TCN2: variants seen among roughly 807,000 people sequenced by gnomAD.
TCN2 encodes transcobalamin-2.
Under a neutral mutation model 48.6 loss-of-function variants are expected in TCN2, and 34 were observed. That is an observed-to-expected ratio of 0.70 (90% CI 0.53 to 0.93). The LOEUF (loss-of-function observed/expected upper bound fraction) is 0.93. TCN2 is among the 40% of genes least tolerant of loss of function. TCN2 has a pLI of 0.00. For synonymous variants in TCN2, 283 were observed against 212.5 expected, an observed-to-expected ratio of 1.33 and a Z score of -2.89; for missense variants, 652 against 526.1, an observed-to-expected ratio of 1.24 and a Z score of -2.34.
Position 30,627,150 on chromosome 22 carries a change from C to T in TCN2, c.*629C>T, listed in dbSNP as rs2085689992. Reference sequence around the variant, plus strand: ...CCCCATCAGGGAGGAGTGGAGGGTGCCTGAGCCGCCATGTGGGCATTGGGG... The same window carrying T: ...CCCCATCAGGGAGGAGTGGAGGGTGTCTGAGCCGCCATGTGGGCATTGGGG... On this transcript the variant is annotated 3_prime_UTR_variant, in exon 9 of 9. Coordinates refer to ENST00000215838, the MANE Select transcript of TCN2 (RefSeq NM_000355.4). 6.0e-6 allele frequency: 1 copy of T among 166,334 alleles called. No individual in the cohort carries two copies. The highest frequency in any genetic ancestry group is 1.3e-5 in the Non-Finnish European group (1 of 75,414). 10.3% of individuals were successfully genotyped at this position (166,334 alleles called of 1,614,324 possible). A position where few individuals can be genotyped will look rare whatever the true frequency, so the allele number is the denominator to read the frequency against.
At position 30,615,797 on chromosome 22, in the gene TCN2, C is replaced by T. The variant is rs1569041802; in HGVS notation, c.940+10C>T. 1.9e-6 allele frequency: 3 copies of T among 1,614,062 alleles called. No homozygotes were observed. The highest frequency in any genetic ancestry group is 1.1e-5 in the South Asian group (1 of 91,076). ...TGTCTGGCACCACGAGGTAGCCCAACTTTTTGTGGAAGCACAGCCCTTTAC... is the reference window on the plus strand; with the variant it reads ...TGTCTGGCACCACGAGGTAGCCCAATTTTTTGTGGAAGCACAGCCCTTTAC... On this transcript the variant is annotated intron_variant, in intron 6 of 8. Coordinates refer to ENST00000215838, the MANE Select transcript of TCN2 (RefSeq NM_000355.4).
At position 30,615,660 on chromosome 22, in the gene TCN2, G is replaced by T. The variant is rs1399886265; in HGVS notation, c.813G>T (p.Arg271Ser). 6.2e-7 allele frequency: 1 copy of T among 1,614,194 alleles called. No homozygotes were observed. The highest frequency in any genetic ancestry group is 8.5e-7 in the Non-Finnish European group (1 of 1,180,036). ...TGGGAACAGCATGTCTCAAGGCGAG[G>T]GTTGCTTTGCTGGCCAGTCTGCAGG... ...AELGTACLKA[R>S]VALLASLQDG... Residue 271 changes from arginine (R) to serine (S), a missense_variant, in exon 6 of 9, where the codon AGG becomes AGT. Physicochemically the swap from Arg to Ser is moderately radical, Grantham distance 110. Coordinates refer to ENST00000215838, the MANE Select transcript of TCN2 (RefSeq NM_000355.4).
intron 7 of TCN2, among the ~76,000 whole-genome samples, chr22:30,620,577 C>T (rs1401371411): frequency 6.6e-6 from 1 of 152,228 alleles, no homozygotes; most frequent in Non-Finnish European, 1.5e-5. Flanking sequence ...TCACTGATGG[C>T]CACGCATAGG....
intron 2 of TCN2, 86 bp from the exon 3 acceptor site, chr22:30,612,787 G>T (rs1406544236): frequency 1.3e-6 from 2 of 1,560,118 alleles, no homozygotes; most frequent in Middle Eastern, 2.3e-4. Flanking sequence ...ATTTTTTCCC[G>T]CTTTGTGATG....
At chr22:30,625,020 T>G (rs1216383859) in intron 8 of TCN2, among the ~76,000 whole-genome samples, 1 of 152,142 alleles carries the variant, frequency 6.6e-6, no homozygotes, top group African/African-American at 2.4e-5. Flanking sequence ...AGTTCAAGAC[T>G]AGCCTGACCA....
intron 8 of TCN2, 78 bp downstream of exon 8, chr22:30,623,161 A>G (rs28533163): frequency 1.4e-6 from 2 of 1,397,728 alleles, no homozygotes; most frequent in Non-Finnish European, 2.0e-6. Context: ...AACTCACCCC[A>G]GCTTTCCCTA....
chr22:30,618,905 G>A (rs1188258826), intron 7 of TCN2, among the ~76,000 whole-genome samples: 1 of 152,084 alleles, frequency 6.6e-6, no homozygotes, highest in Non-Finnish European at 1.5e-5. Flanking sequence ...GAGTAGCTGG[G>A]ACTATGGGCA....
In TCN2 at chr22:30,615,923, C is replaced by T. The variant is rs1000712733; in HGVS notation, c.940+136C>T. ...GTGGGTGTGCATGGGACACAGCAGC[C>T]AAAATGTGGTCATAGCTTCTAGAAG... On this transcript the variant is annotated intron_variant, in intron 6 of 8. Transcript: ENST00000215838. 4 of 1,005,768 alleles carry T rather than the reference C, an allele frequency of 4.0e-6. No individual in the cohort carries two copies. In the Admixed American group the frequency reaches 7.4e-5, roughly 19 times the overall value. The allele number at this position is 1,005,768 out of a possible 1,614,324, so 62.3% of individuals were successfully genotyped here. A position where few individuals can be genotyped will look rare whatever the true frequency, so the allele number is the denominator to read the frequency against.
chr22:30,619,357 G>A (rs2145551648), intron 7 of TCN2, among the ~76,000 whole-genome samples: 1 of 152,372 alleles, frequency 6.6e-6, no homozygotes, highest in Middle Eastern at 3.4e-3. Context: ...TGAGATAACA[G>A]GCGTGAGCCG....
chr22:30,608,018 G>T (rs1246328678), intron 1 of TCN2, among the ~76,000 whole-genome samples: 1 of 152,188 alleles, frequency 6.6e-6, no homozygotes, highest in Non-Finnish European at 1.5e-5. Context: ...AGCCTTCGGA[G>T]GTCCTGCCTG....
intron 7 of TCN2, among the ~76,000 whole-genome samples, chr22:30,618,278 TTTTTTGAG>T (rs1234092812): frequency 6.6e-6 from 1 of 152,022 alleles, no homozygotes; most frequent in Non-Finnish European, 1.5e-5. Flanking sequence ...TTTTGTTTTT[TTTTTTGAG>T]ACAGAGTCTC....
Position 30,613,139 on chromosome 22 carries a change from GGC to G in TCN2, c.427+99_427+100del, listed in dbSNP as rs1307279303. 2.0e-6 allele frequency: 3 copies of G among 1,507,848 alleles called. No individual in the cohort carries two copies. The Admixed American group carries it at 5.9e-5, about 30-fold the overall frequency. The allele number at this position is 1,507,848 out of a possible 1,614,324, so 93.4% of individuals were successfully genotyped here. ...ATCAGAACTTTGGGTTTTCTCCCCA[GGC>G]GTCTTTCCCACCATCCATTCTGCCC... On this transcript the variant is annotated intron_variant, in intron 3 of 8. Coordinates refer to ENST00000215838, the MANE Select transcript of TCN2 (RefSeq NM_000355.4).
At chr22:30,613,914 T>C (rs566922939) in intron 3 of TCN2, among the ~76,000 whole-genome samples, 8 of 152,268 alleles carry the variant, frequency 5.3e-5, no homozygotes, top group Non-Finnish European at 1.2e-4. Context: ...AAGCCAGTTT[T>C]TTCATACAGG....
rs199728304 is a variant in TCN2 at position 30,612,968 on chromosome 22, T to C, written c.353T>C (p.Phe118Ser). 48 of 1,614,058 alleles carry C rather than the reference T, an allele frequency of 3.0e-5. No homozygotes were observed. Among genetic ancestry groups the C allele is most frequent in the Admixed American group, 1.2e-4 (7 of 60,000 alleles). The change falls in exon 3 of 9, where the codon TTT becomes TCT. Residue 118 changes from phenylalanine to serine, a missense_variant. Phe to Ser is a radical substitution (Grantham distance 155). Transcript: ENST00000215838. ...CTCGCTCTCAGAGCCAACTGTGAGTTTGTCAGGGGCCACAAGGGGGACAGG... is the reference window on the plus strand; with the variant it reads ...CTCGCTCTCAGAGCCAACTGTGAGTCTGTCAGGGGCCACAAGGGGGACAGG... ...YLLALRANCE[F>S]VRGHKGDRLV...
chr22:30,614,585 C>A, intron 4 of TCN2, 84 bp downstream of exon 4: 1 of 1,572,370 alleles, frequency 6.4e-7, no homozygotes, highest in Non-Finnish European at 8.7e-7. Flanking sequence ...ACCCTGGCCC[C>A]CACACTCACC....
intron 3 of TCN2, among the ~76,000 whole-genome samples, chr22:30,613,795 A>G (rs942689611): frequency 1.3e-5 from 2 of 152,044 alleles, no homozygotes; most frequent in Non-Finnish European, 2.9e-5. Flanking sequence ...GCACTGCTCC[A>G]TGGCCCAGCC....
At chr22:30,618,328 C>G (rs973795341) in intron 7 of TCN2, among the ~76,000 whole-genome samples, 3 of 151,308 alleles carry the variant, frequency 2.0e-5, no homozygotes, top group Non-Finnish European at 2.9e-5. Flanking sequence ...AGGCCCAACT[C>G]GTGTTTGTGT....
At chr22:30,623,857 C>CACACATATATATGTATACATATAT in intron 8 of TCN2, among the ~76,000 whole-genome samples, 1 of 24,088 alleles carries the variant, frequency 4.2e-5, no homozygotes, top group Non-Finnish European at 7.3e-5. Context: ...CATACACATA[C>CACACATATATATGTATACATATAT]ATACACACAT....
At chr22:30,615,550 G>GCC (rs766232681) in intron 5 of TCN2, 51 bp from the exon 6 acceptor site, 16 of 1,613,610 alleles carry the variant, frequency 9.9e-6, no homozygotes, top group Non-Finnish European at 1.4e-5. Context: ...GGAACACCTA[G>GCC]CCCCTCCCTG....
Sources: allele counts gnomAD v4.1 joint callset (sites outside exome capture counted in the v4.1 genomes callset), GRCh38; gene constraint gnomAD v4.1.1; transcripts MANE v1.5; gene names NCBI Gene and HGNC (gene_info 2026-07-23, HGNC 2026-07-21).